Variants in RUBCNL observed in about 807,000 individuals in gnomAD.
The protein encoded by RUBCNL is rubicon like autophagy enhancer.
A neutral mutation model predicts 69.5 loss-of-function variants in RUBCNL; 62 were observed. The ratio of observed to expected loss-of-function variants is 0.89; its 90% CI spans 0.73 to 1.10. The LOEUF (loss-of-function observed/expected upper bound fraction) is 1.10. Ranked by LOEUF, RUBCNL falls within the 50% of genes least tolerant of loss-of-function variation. The probability of loss-of-function intolerance (pLI) is 0.00; values close to 1 mark genes in which losing one functional copy is unlikely to be tolerated. For synonymous variants in RUBCNL, 291 were observed against 303.6 expected (o/e 0.96, Z 0.43); for missense variants, 768 against 798.1 (o/e 0.96, Z 0.45).
In RUBCNL at chr13:46,337,732, G is replaced by C. The variant is rs1182544094; in HGVS notation, c.*5653C>G. Among the ~76,000 whole-genome samples the C allele has an allele frequency of 6.6e-6, 1 of 152,174 alleles. No homozygotes were observed. Among genetic ancestry groups the C allele is most frequent in the African/African-American group, 2.4e-5 (1 of 41,430 alleles). ...AGGACATCTTATGTTAGTCAGAGTA[G>C]GGTGGGTTACACTGTAGGAACCAGC... On this transcript the variant is annotated 3_prime_UTR_variant, in exon 15 of 15. Coordinates refer to ENST00000429979, the MANE Select transcript of RUBCNL (RefSeq NM_025113.5).
chr13:46,355,021 TCAG>T (rs1436490121), intron 10 of RUBCNL, among the ~76,000 whole-genome samples: 1 of 152,108 alleles, frequency 6.6e-6, no homozygotes, highest in Non-Finnish European at 1.5e-5. Flanking sequence ...TCAAAGAAAA[TCAG>T]CAACAATGGT....
At position 46,386,667 on chromosome 13, in the gene RUBCNL, CA is replaced by C. The variant is rs1485065925; in HGVS notation, c.-239+466del. On this transcript the variant is annotated intron_variant, in intron 1 of 14. Coordinates refer to ENST00000429979, the MANE Select transcript of RUBCNL (RefSeq NM_025113.5). ...AATAACACGCCGCGATTTCACACTC[CA>C]GCCTAGCTCAGTTATGTAGCCAAAT... Among the ~76,000 whole-genome samples, 5 of 152,188 alleles carry C rather than the reference CA, an allele frequency of 3.3e-5. No individual in the cohort carries two copies. In the East Asian group the frequency reaches 9.6e-4, roughly 29 times the overall value.
At chr13:46,358,760 G>T (rs973692487) in intron 9 of RUBCNL, among the ~76,000 whole-genome samples, 1 of 151,644 alleles carries the variant, frequency 6.6e-6, no homozygotes, top group Non-Finnish European at 1.5e-5. Context: ...TCACCATGTT[G>T]CCCAGGCTGA....
chr13:46,347,440 C>T (rs1332407619), intron 12 of RUBCNL, among the ~76,000 whole-genome samples: 1 of 152,044 alleles, frequency 6.6e-6, no homozygotes, highest in African/African-American at 2.4e-5. Flanking sequence ...AAAAACTATA[C>T]TTTAAATCTC....
chr13:46,387,637 A>G, upstream of RUBCNL: 1 of 985,546 alleles, frequency 1.0e-6, no homozygotes, highest in Non-Finnish European at 1.2e-6. Flanking sequence ...AAGAATGAGT[A>G]ATCTGGATGA....
At chr13:46,361,351 C>T in intron 8 of RUBCNL, 90 bp downstream of exon 8, 1 of 1,410,296 alleles carries the variant, frequency 7.1e-7, no homozygotes. Flanking sequence ...AGTGACCATA[C>T]AAGGAAAGAC....
chr13:46,363,688 T>C (rs1354460232), intron 5 of RUBCNL, among the ~76,000 whole-genome samples: 1 of 151,554 alleles, frequency 6.6e-6, no homozygotes, highest in Non-Finnish European at 1.5e-5. Context: ...CCCCCGTCTC[T>C]ACAAAAAATA....
chr13:46,344,625 C>A, intron 14 of RUBCNL, 116 bp downstream of exon 14: 1 of 705,444 alleles, frequency 1.4e-6, no homozygotes, highest in South Asian at 1.8e-5. Context: ...CTTTAAATAA[C>A]TGTGCTTAAA....
chr13:46,380,395 A>G (rs901013440), intron 1 of RUBCNL, among the ~76,000 whole-genome samples: 2 of 152,254 alleles, frequency 1.3e-5, no homozygotes, highest in Non-Finnish European at 2.9e-5. Context: ...AATGGAGACC[A>G]TTAGGGGACT....
intron 10 of RUBCNL, chr13:46,351,101 GAA>G (rs34231532): frequency 4.2e-5 from 6 of 142,134 alleles, no homozygotes; most frequent in East Asian, 2.0e-4. Context: ...CATCTCCACA[GAA>G]AAAAAAAAAA....
chr13:46,368,777 A>T lies in RUBCNL; in HGVS notation c.574T>A (p.Ser192Thr), dbSNP rs775405724. 8.7e-6 allele frequency: 14 copies of T among 1,613,762 alleles called. No homozygotes were observed. ...QVSRRTISSN[S>T]FSPEVFVLPV... The stretch of plus-strand genomic sequence containing the variant: ...AGCACAAATACCTCTGGTGAGAAGG[A>T]ATTCGAAGAAATGGTTCTTCTACTG... Residue 192 changes from serine (S) to threonine (T), a missense_variant, in exon 4 of 15, where the codon TCC (serine) becomes ACC (threonine). Coordinates refer to ENST00000429979, the MANE Select transcript of RUBCNL (RefSeq NM_025113.5).
At chr13:46,343,631 C>A in intron 14 of RUBCNL, 134 bp from the exon 15 acceptor site, 1 of 850,314 alleles carries the variant, frequency 1.2e-6, no homozygotes, top group South Asian at 1.8e-5. Flanking sequence ...AGAAACCAGC[C>A]AGGCTGAAAC....
intron 9 of RUBCNL, among the ~76,000 whole-genome samples, chr13:46,358,515 T>G (rs893200599): frequency 5.3e-5 from 8 of 152,238 alleles, no homozygotes; most frequent in African/African-American, 1.9e-4. Flanking sequence ...TTTTGTTACT[T>G]CTTAGAGAAC....
chr13:46,386,053 T>C (rs2049235313), intron 1 of RUBCNL, among the ~76,000 whole-genome samples: 1 of 152,180 alleles, frequency 6.6e-6, no homozygotes, highest in African/African-American at 2.4e-5. Context: ...GATGCTGTCT[T>C]AACTCGGCTC....
At chr13:46,387,512 C>T (rs577963653), upstream of RUBCNL, 4 of 985,784 alleles carry the variant, frequency 4.1e-6, no homozygotes, top group South Asian at 1.9e-4. Context: ...GCCCTGCCTA[C>T]CCGCGGCGCG....
chr13:46,370,820 G>C (rs928465028), intron 3 of RUBCNL, among the ~76,000 whole-genome samples: 3 of 149,066 alleles, frequency 2.0e-5, no homozygotes, highest in Non-Finnish European at 4.4e-5. Context: ...TCCTCTATAA[G>C]ACAATCTATT....
intron 1 of RUBCNL, among the ~76,000 whole-genome samples, chr13:46,382,988 T>G (rs900361013): frequency 6.6e-6 from 1 of 152,246 alleles, no homozygotes; most frequent in Non-Finnish European, 1.5e-5. Context: ...AAATAACTGA[T>G]AGAATGTCAG....
Position 46,368,261 on chromosome 13 carries a change from G to T in RUBCNL, c.619-12C>A, listed in dbSNP as rs1210694220. ...AAGTGGGCATTTTCCTGCAGAAAAA[G>T]AAATCAATTAAAATACAAGCATAAT... On this transcript the variant is annotated splice_polypyrimidine_tract_variant and intron_variant, in intron 4 of 14. Coordinates refer to ENST00000429979, the MANE Select transcript of RUBCNL (RefSeq NM_025113.5). The T allele has an allele frequency of 4.4e-6, 7 of 1,606,152 alleles. No homozygotes were observed. Among genetic ancestry groups the T allele is most frequent in the Admixed American group, 1.7e-5 (1 of 58,708 alleles).
chr13:46,349,392 T>C (rs370937286), intron 11 of RUBCNL, 45 bp from the exon 12 acceptor site: 354 of 1,534,420 alleles, frequency 2.3e-4, no homozygotes, highest in Admixed American at 5.2e-4. Flanking sequence ...ATGTAATAAA[T>C]GACACGGGAA....
Sources: allele counts gnomAD v4.1 joint callset (sites outside exome capture counted in the v4.1 genomes callset), GRCh38; gene constraint gnomAD v4.1.1; transcripts MANE v1.5; gene names NCBI Gene and HGNC (gene_info 2026-07-23, HGNC 2026-07-21).